The following LCN1 variants were observed in gnomAD, a reference collection of about 807,000 sequenced individuals.
LCN1 encodes the protein lipocalin-1.
A neutral mutation model predicts 22.3 loss-of-function variants in LCN1; 25 were observed. The ratio of observed to expected loss-of-function variants is 1.12; its 90% CI spans 0.82 to 1.56. LCN1 has a LOEUF of 1.56. Ranked by LOEUF, LCN1 falls within the 40% of genes most tolerant of loss-of-function variation. The pLI is 0.00. For missense variants in LCN1, 219 were observed against 235.6 expected (o/e 0.93, Z 0.46); for synonymous variants, 85 against 97.6 (o/e 0.87, Z 0.76).
In LCN1 at chr9:135,526,328, C is replaced by G. The variant is rs1228384405; in HGVS notation, c.*2-16C>G. On this transcript the variant is annotated splice_polypyrimidine_tract_variant and intron_variant, in intron 6 of 6. Transcript: ENST00000371781. ...CCTTGCTGTCCTGGCCTCACTCACCCTCCCCCCCTTTCCAGGGCAGGGGAC... is the reference window on the plus strand; with the variant it reads ...CCTTGCTGTCCTGGCCTCACTCACCGTCCCCCCCTTTCCAGGGCAGGGGAC... The G allele has an allele frequency of 8.1e-7, 1 of 1,238,376 alleles. No individual in the cohort carries two copies. Among genetic ancestry groups the G allele is most frequent in the South Asian group, 1.3e-5 (1 of 74,324 alleles). The allele number at this position is 1,238,376 out of a possible 1,614,324, so 76.7% of individuals were successfully genotyped here.
chr9:135,524,184 C>T (rs1319544046), intron 4 of LCN1, among the ~76,000 whole-genome samples, 194 bp downstream of exon 4: 6 of 152,120 alleles, frequency 3.9e-5, no homozygotes, highest in East Asian at 3.9e-4. Context: ...GCCCCGGCCT[C>T]GGTATCTGCA....
intron 6 of LCN1, among the ~76,000 whole-genome samples, chr9:135,525,865 CCCA>C (rs1372428771): frequency 7.0e-6 from 1 of 142,356 alleles, no homozygotes. Flanking sequence ...CTCGCATGTG[CCCA>C]CCACACCATA....
In LCN1 at chr9:135,525,803, C is replaced by G. The variant is rs191112175; in HGVS notation, c.*2-541C>G. Among the ~76,000 whole-genome samples the G allele has an allele frequency of 1.1e-3, 170 of 151,236 alleles. 2 individuals are homozygous for G. Among genetic ancestry groups the G allele is most frequent in the Admixed American group, 9.9e-3 (151 of 15,224 alleles). On this transcript the variant is annotated intron_variant, in intron 6 of 6. Transcript: ENST00000371781. ...TCCAATCTAGAGGCTGGAGCCCCCA[C>G]CTGCAGCCCCCAAGAGTCCGTGTGT...
chr9:135,524,888 C>T lies in LCN1; in HGVS notation c.462C>T (p.Ala154=), dbSNP rs2118956870. 1 of 1,608,336 alleles carries T rather than the reference C, an allele frequency of 6.2e-7. No individual in the cohort carries two copies. The highest frequency in any genetic ancestry group is 8.5e-7 in the Non-Finnish European group (1 of 1,177,528). ...ALEDFEKAAG[A]RGLSTESILI... ...AGGACTTTGAGAAAGCCGCAGGAGC[C>T]CGCGGACTCAGCACGGAGAGCATCC... The change falls in exon 5 of 7, where the codon GCC becomes GCT. Residue 154 remains alanine (A), a synonymous_variant. Transcript: ENST00000371781.
chr9:135,525,305 T>A, intron 6 of LCN1, 147 bp downstream of exon 6: 1 of 767,814 alleles, frequency 1.3e-6, no homozygotes, highest in Non-Finnish European at 2.1e-6. Flanking sequence ...GGAGCTCTGC[T>A]CCTGAGCTGC....
Position 135,526,412 on chromosome 9 carries a change from G to C in LCN1, c.*70G>C. 2 of 1,285,662 alleles carry C rather than the reference G, an allele frequency of 1.6e-6. No homozygotes were observed. Among genetic ancestry groups the C allele is most frequent in the Non-Finnish European group, 2.0e-6 (2 of 987,550 alleles). 79.6% of individuals were successfully genotyped at this position (1,285,662 alleles called of 1,614,324 possible). A position where few individuals can be genotyped will look rare whatever the true frequency, so the allele number is the denominator to read the frequency against. On this transcript the variant is annotated 3_prime_UTR_variant, in exon 7 of 7. Coordinates refer to ENST00000371781, the MANE Select transcript of LCN1 (RefSeq NM_002297.4). ...ATCCAGCACCTCCGTCATTCACAGG[G>C]ACATGGAAAAAGCTCCCCACCCCTG...
In LCN1 at chr9:135,523,960, G is replaced by T. The variant is rs371576149; in HGVS notation, c.373G>T (p.Gly125Trp). Residue 125 changes from glycine to tryptophan, a missense_variant, in exon 4 of 7, where the codon GGG (glycine) becomes TGG (tryptophan). By Grantham distance (184) the Gly-to-Trp change is radical. Coordinates refer to ENST00000371781, the MANE Select transcript of LCN1 (RefSeq NM_002297.4). ...YIFYCEGELH[G>W]KPVRGVKLVG... ...CTTTTACTGTGAGGGCGAGCTGCAC[G>T]GGAAGCCGGTCCGAGGGGTGAAGCT... 3.1e-6 allele frequency: 5 copies of T among 1,614,044 alleles called. No homozygotes were observed. The South Asian group carries it at 5.5e-5, about 18-fold the overall frequency.
At chr9:135,521,633 G>T (rs769628368) in intron 1 of LCN1, 46 bp downstream of exon 1, 135 of 1,494,818 alleles carry the variant, frequency 9.0e-5, no homozygotes, top group Admixed American at 3.8e-5. Flanking sequence ...CAAGGGGCGA[G>T]GCTGAGACTG....
Position 135,526,334 on chromosome 9 carries a change from C to T in LCN1, c.*2-10C>T, listed in dbSNP as rs545561308. 2 of 1,249,324 alleles carry T rather than the reference C, an allele frequency of 1.6e-6. No homozygotes were observed. Among genetic ancestry groups the T allele is most frequent in the Non-Finnish European group, 2.1e-6 (2 of 966,860 alleles). 77.4% of individuals were successfully genotyped at this position (1,249,324 alleles called of 1,614,324 possible). ...TGTCCTGGCCTCACTCACCCTCCCC[C>T]CCTTTCCAGGGCAGGGGACACCTTG... On this transcript the variant is annotated splice_polypyrimidine_tract_variant and intron_variant, in intron 6 of 6. Coordinates refer to ENST00000371781, the MANE Select transcript of LCN1 (RefSeq NM_002297.4).
chr9:135,524,769 G>C, intron 4 of LCN1, 61 bp from the exon 5 acceptor site: 3 of 1,345,118 alleles, frequency 2.2e-6, no homozygotes, highest in Non-Finnish European at 3.1e-6. Flanking sequence ...TCCAGACTGG[G>C]ATGGGGTGCC....
At position 135,523,321 on chromosome 9, in the gene LCN1, G is replaced by A; in HGVS notation, c.292+19G>A. 1.2e-6 allele frequency: 2 copies of A among 1,607,950 alleles called. No individual in the cohort carries two copies. Among genetic ancestry groups the A allele is most frequent in the Non-Finnish European group, 1.7e-6 (2 of 1,177,158 alleles). ...ACGGCCGGTGAGTCCCGGGGCCTGA[G>A]CCAGAGCCTGAGCTTGAACACACGC... On this transcript the variant is annotated intron_variant, in intron 3 of 6. Transcript: ENST00000371781.
intron 1 of LCN1, 109 bp downstream of exon 1, chr9:135,521,696 G>A: frequency 1.0e-6 from 1 of 954,148 alleles, no homozygotes. Flanking sequence ...TTTGGGTTGG[G>A]CATTCAAGCC....
intron 4 of LCN1, among the ~76,000 whole-genome samples, chr9:135,524,239 GGTCACACAT>G (rs1293914416): frequency 6.6e-6 from 1 of 152,202 alleles, no homozygotes; most frequent in Admixed American, 6.5e-5. Flanking sequence ...GGGGTTCAAA[GGTCACACAT>G]GTCCCAGAGT....
At chr9:135,525,343 T>C (rs899283109) in intron 6 of LCN1, among the ~76,000 whole-genome samples, 185 bp downstream of exon 6, 2 of 152,118 alleles carry the variant, frequency 1.3e-5, no homozygotes, top group South Asian at 4.1e-4. Flanking sequence ...ACTCCGTTCT[T>C]GCCCTGGGTG....
At chr9:135,523,853 C>G (rs1196570539) in intron 3 of LCN1, 27 bp from the exon 4 acceptor site, 2 of 1,598,728 alleles carry the variant, frequency 1.3e-6, no homozygotes, top group Non-Finnish European at 1.7e-6. Context: ...GTGGCTAATT[C>G]AGGAATGTGC....
At chr9:135,523,610 C>A (rs1831554298) in intron 3 of LCN1, among the ~76,000 whole-genome samples, 1 of 152,222 alleles carries the variant, frequency 6.6e-6, no homozygotes, top group South Asian at 2.1e-4. Context: ...TACCCCAACT[C>A]CCACCTCCGC....
At position 135,526,435 on chromosome 9, in the gene LCN1, C is replaced by G; in HGVS notation, c.*93C>G. 2 of 1,286,748 alleles carry G rather than the reference C, an allele frequency of 1.6e-6. No individual in the cohort carries two copies. The highest frequency in any genetic ancestry group is 2.0e-6 in the Non-Finnish European group (2 of 987,502). The allele number at this position is 1,286,748 out of a possible 1,614,324, so 79.7% of individuals were successfully genotyped here. A position where few individuals can be genotyped will look rare whatever the true frequency, so the allele number is the denominator to read the frequency against. On this transcript the variant is annotated 3_prime_UTR_variant, in exon 7 of 7. Coordinates refer to ENST00000371781, the MANE Select transcript of LCN1 (RefSeq NM_002297.4). Reference sequence around the variant, plus strand: ...GGGACATGGAAAAAGCTCCCCACCCCTGCAGAACGCGGCTGGCTGCACCCC... The same window carrying G: ...GGGACATGGAAAAAGCTCCCCACCCGTGCAGAACGCGGCTGGCTGCACCCC...
chr9:135,521,704 G>A lies in LCN1; in HGVS notation c.90+117G>A, dbSNP rs566136825. The A allele has an allele frequency of 9.7e-6, 8 of 824,224 alleles. No individual in the cohort carries two copies. In the African/African-American group the frequency reaches 1.2e-4, roughly 13 times the overall value. 51.1% of individuals were successfully genotyped at this position (824,224 alleles called of 1,614,324 possible). On this transcript the variant is annotated intron_variant, in intron 1 of 6. Coordinates refer to ENST00000371781, the MANE Select transcript of LCN1 (RefSeq NM_002297.4). Reference sequence around the variant, plus strand: ...CCTCGTTTTTGGGTTGGGCATTCAAGCCCTGCCCTGAGGGAATGGTGGGAT... The same window carrying A: ...CCTCGTTTTTGGGTTGGGCATTCAAACCCTGCCCTGAGGGAATGGTGGGAT...
rs527347336 is a variant in LCN1, at chr9:135,521,737, C to A, written c.90+150C>A. On this transcript the variant is annotated intron_variant, in intron 1 of 6. Coordinates refer to ENST00000371781, the MANE Select transcript of LCN1 (RefSeq NM_002297.4). ...CTGAGGGAATGGTGGGATGGGGCAGCAGGGGTCTGGGCTGGCAGGGTAGGT... is the reference window on the plus strand; with the variant it reads ...CTGAGGGAATGGTGGGATGGGGCAGAAGGGGTCTGGGCTGGCAGGGTAGGT... The A allele has an allele frequency of 2.8e-4, 189 of 682,684 alleles. 1 individual carries two copies. The highest frequency in any genetic ancestry group is 2.3e-3 in the African/African-American group (123 of 54,238). 42.3% of individuals were successfully genotyped at this position (682,684 alleles called of 1,614,324 possible).
Sources: allele counts gnomAD v4.1 joint callset (sites outside exome capture counted in the v4.1 genomes callset), GRCh38; gene constraint gnomAD v4.1.1; transcripts MANE v1.5; gene names NCBI Gene and HGNC (gene_info 2026-07-23, HGNC 2026-07-21).